TAF1: variants seen among roughly 807,000 people sequenced by gnomAD.
The protein encoded by TAF1 is transcription initiation factor TFIID subunit 1.
A neutral mutation model predicts 138.5 loss-of-function variants in TAF1; 2 were observed. The ratio of observed to expected loss-of-function variants is 0.01; its 90% confidence interval spans 0.01 to 0.05. The LOEUF is 0.05. TAF1 is among the 10% of genes least tolerant of loss of function. The pLI is 1.00. For synonymous variants in TAF1, 437 were observed against 503.2 expected (o/e 0.87, Z 1.76); for missense variants, 709 against 1,478.0 (o/e 0.48, Z 8.53).
At chrX:71,403,647 C>G (rs747658052) in intron 25 of TAF1, among the ~76,000 whole-genome samples, 3 of 111,181 alleles carry the variant, frequency 2.7e-5, no homozygotes, top group Non-Finnish European at 5.6e-5. Flanking sequence ...GTTTTAGCAT[C>G]GGTTGATGAC....
intron 32 of TAF1, 71 bp downstream of exon 32, chrX:71,424,309 A>G: frequency 1.0e-6 from 1 of 979,714 alleles, no homozygotes; most frequent in South Asian, 2.5e-5. Context: ...ACTTAGCATT[A>G]TTAAAAAATT....
At chrX:71,437,993 G>A (rs2037231408) in intron 32 of TAF1, among the ~76,000 whole-genome samples, 1 of 108,425 alleles carries the variant, frequency 9.2e-6, no homozygotes, top group Non-Finnish European at 1.9e-5. Context: ...GCACCACCAC[G>A]CCCGGGTAAT....
chrX:71,446,004 G>T (rs1479980496), intron 32 of TAF1, among the ~76,000 whole-genome samples: 1 of 107,099 alleles, frequency 9.3e-6, no homozygotes, highest in Non-Finnish European at 1.9e-5. Flanking sequence ...TCTGCCTCCC[G>T]GATTGAAGCA....
intron 32 of TAF1, among the ~76,000 whole-genome samples, chrX:71,425,424 G>A (rs1273331536): frequency 9.0e-6 from 1 of 111,436 alleles, no homozygotes; most frequent in East Asian, 2.8e-4. Context: ...TTGAGGCCAG[G>A]AGTTTGAGAC....
rs181925169 is a variant in TAF1, at chrX:71,380,416, G to A, written c.1361-1327G>A. Among the ~76,000 whole-genome samples the A allele has an allele frequency of 3.2e-3, 352 of 110,689 alleles. 1 individual carries two copies. The highest frequency in any genetic ancestry group is 0.011 in the African/African-American group (328 of 30,453). ...AAATGTTTAATGACATGGGAAACTC[G>A]TTCATTTTATTTTAATTAAATTATT... On this transcript the variant is annotated intron_variant, in intron 8 of 37. Transcript: ENST00000423759.
At chrX:71,453,100 A>C (rs1284227328) in intron 32 of TAF1, among the ~76,000 whole-genome samples, 1 of 109,818 alleles carries the variant, frequency 9.1e-6, no homozygotes, top group Non-Finnish European at 1.9e-5. Context: ...AGAGAGGGAG[A>C]GGAGGGAGAG....
intron 18 of TAF1, among the ~76,000 whole-genome samples, chrX:71,390,364 G>A (rs1401121769): frequency 9.0e-6 from 1 of 111,407 alleles, no homozygotes; most frequent in Non-Finnish European, 1.9e-5. Flanking sequence ...TTTCAGTTAT[G>A]TCTTCTACTG....
chrX:71,508,294 A>G (rs2147600912), intron 13 of TAF1, among the ~76,000 whole-genome samples: 1 of 109,574 alleles, frequency 9.1e-6, no homozygotes, highest in South Asian at 3.9e-4. Context: ...GAATTATTAG[A>G]AAGTGGCCAA....
At chrX:71,378,501 A>G in intron 7 of TAF1, 48 bp downstream of exon 7, 2 of 1,179,232 alleles carry the variant, frequency 1.7e-6, no homozygotes, top group Non-Finnish European at 2.3e-6. Context: ...CTCAGGTCCT[A>G]TTACTTTTAC....
At chrX:71,474,069 C>T (rs781284668) in intron 13 of TAF1, among the ~76,000 whole-genome samples, 3 of 110,532 alleles carry the variant, frequency 2.7e-5, no homozygotes, top group East Asian at 2.8e-4. Flanking sequence ...CGCTTGAAAC[C>T]GGGAAGCAGA....
chrX:71,397,319 A>T lies in TAF1; in HGVS notation c.3473A>T (p.Asn1158Ile). 8.3e-7 allele frequency: 1 copy of T among 1,211,176 alleles called. No homozygotes were observed. Among genetic ancestry groups the T allele is most frequent in the Non-Finnish European group, 1.1e-6 (1 of 895,425 alleles). The part of the protein sequence containing the change: ...DDDTASVTSL[N>I]SSATGRCLKI... Reference sequence around the variant, plus strand: ...GACACAGCTTCCGTGACTAGCCTTAACTCTTCTGCCACTGGACGCTGTCTC... The same window carrying T: ...GACACAGCTTCCGTGACTAGCCTTATCTCTTCTGCCACTGGACGCTGTCTC... The change falls in exon 23 of 38, where the codon AAC becomes ATC. Residue 1158 changes from asparagine (N) to isoleucine (I), a missense_variant. Asn to Ile is a moderately radical substitution (Grantham distance 149, BLOSUM62 -3). This residue lies in a region of TAF1 where 21 missense variants were observed against 101.3 expected (regional missense o/e 0.21). Coordinates refer to ENST00000423759, the MANE Select transcript of TAF1 (RefSeq NM_004606.5).
At chrX:71,514,824 T>C (rs929407110) in intron 13 of TAF1, among the ~76,000 whole-genome samples, 2 of 111,092 alleles carry the variant, frequency 1.8e-5, no homozygotes, top group African/African-American at 6.5e-5. Flanking sequence ...CAGACTGGGA[T>C]GGAGGGGATG....
chrX:71,487,172 C>T (rs768950343), intron 13 of TAF1, among the ~76,000 whole-genome samples: 12 of 106,944 alleles, frequency 1.1e-4, no homozygotes, highest in African/African-American at 3.7e-4. Flanking sequence ...TTGGGATTGC[C>T]CCCCAGCTCA....
chrX:71,463,352 TGAA>T (rs1348052117), intron 37 of TAF1, among the ~76,000 whole-genome samples: 1 of 110,319 alleles, frequency 9.1e-6, no homozygotes. Context: ...GGCAGAAGTG[TGAA>T]GAAGTAATTG....
chrX:71,496,550 CCT>C (rs1170551987), intron 13 of TAF1, among the ~76,000 whole-genome samples: 3 of 103,825 alleles, frequency 2.9e-5, no homozygotes, highest in Non-Finnish European at 4.0e-5. Flanking sequence ...TCTGTCTCTT[CCT>C]CTCTCTCTCT....
chrX:71,459,456 T>TGGGCG (rs1556011835), intron 35 of TAF1, 96 bp from the exon 36 acceptor site: 40 of 400,966 alleles, frequency 1.0e-4, no homozygotes, highest in Non-Finnish European at 1.4e-4. Context: ...AGTGGAGGGA[T>TGGGCG]GGGCGGGGCG....
Position 71,377,137 on chromosome X carries a change from C to T in TAF1, c.660C>T (p.Ala220=), listed in dbSNP as rs1424377329. Residue 220 remains alanine, a synonymous_variant, in exon 5 of 38, where the codon GCC becomes GCT. Coordinates refer to ENST00000423759, the MANE Select transcript of TAF1 (RefSeq NM_004606.5). The part of the protein sequence containing the change: ...LPLAGIMQHD[A]TKLLPSVTEL... ...TGGCTGGGATTATGCAGCATGATGC[C>T]ACCAAGCTGTTGCCAAGTGTCACAG... 8.3e-7 allele frequency: 1 copy of T among 1,209,634 alleles called. No homozygotes were observed. Among genetic ancestry groups the T allele is most frequent in the Non-Finnish European group, 1.1e-6 (1 of 895,241 alleles).
intron 13 of TAF1, among the ~76,000 whole-genome samples, chrX:71,498,188 AC>A (rs1378773459): frequency 9.0e-6 from 1 of 111,266 alleles, no homozygotes; most frequent in African/African-American, 3.3e-5. Context: ...CTATCCCTAA[AC>A]CCTTGGGGCA....
intron 13 of TAF1, chrX:71,528,439 C>T: frequency 3.7e-6 from 1 of 267,515 alleles, no homozygotes; most frequent in South Asian, 3.5e-5. Flanking sequence ...TGTGAGTCCA[C>T]AGAAGTTCCT....
Sources: gnomAD v4.1 joint callset for allele counts (sites outside exome capture counted in the v4.1 genomes callset) on GRCh38, gnomAD v4.1.1 for gene constraint, gnomAD v4.1.1 regional missense constraint, MANE v1.5 for transcripts, NCBI Gene and HGNC (gene_info 2026-07-23, HGNC 2026-07-21) for gene names.